The following SYNE2 variants were observed in gnomAD, a reference collection of about 807,000 sequenced individuals.
SYNE2 encodes the protein nesprin-2.
A neutral mutation model predicts 856.3 loss-of-function variants in SYNE2; 431 were observed. The observed-to-expected ratio is 0.50, with a 90% CI of 0.47 to 0.55. SYNE2 has a LOEUF of 0.55. Among genes scored for constraint, SYNE2 ranks in the 20% least tolerant of loss-of-function variants. SYNE2 has a pLI of 0.00. For synonymous variants in SYNE2, 2,923 were observed against 2,872.3 expected, an observed-to-expected ratio of 1.02 and a Z score of -0.56; for missense variants, 8,129 against 8,023.2, an observed-to-expected ratio of 1.01 and a Z score of -0.50.
intron 99 of SYNE2, among the ~76,000 whole-genome samples, chr14:64,198,573 C>T (rs543411905): frequency 5.3e-5 from 8 of 152,266 alleles, no homozygotes; most frequent in South Asian, 2.1e-4. Flanking sequence ...TGGGATATAC[C>T]GGCTAAATCC....
At position 64,027,529 on chromosome 14, in the gene SYNE2, T is replaced by G; in HGVS notation, c.6450T>G (p.Ser2150Arg). Residue 2150 changes from serine to arginine, a missense_variant, in exon 43 of 116, where the codon AGT becomes AGG. Physicochemically the swap from Ser to Arg is moderately radical, Grantham distance 110. This residue lies in a region of SYNE2 where 297 missense variants were observed against 380.9 expected (regional missense o/e 0.78). Coordinates refer to ENST00000555002, the MANE Select transcript of SYNE2 (RefSeq NM_182914.3). ...TAGAAGGAGAGAAATATTTACAAAGTAAGGAGGATCTGAGATTAATGCTCA... is the reference window on the plus strand; with the variant it reads ...TAGAAGGAGAGAAATATTTACAAAGGAAGGAGGATCTGAGATTAATGCTCA... ...LLLEGEKYLQ[S>R]KEDLRLMLIE... 6.2e-7 allele frequency: 1 copy of G among 1,608,792 alleles called. No individual in the cohort carries two copies. The highest frequency in any genetic ancestry group is 8.5e-7 in the Non-Finnish European group (1 of 1,177,784).
intron 2 of SYNE2, among the ~76,000 whole-genome samples, chr14:63,934,348 G>C (rs2095803095): frequency 6.6e-6 from 1 of 152,016 alleles, no homozygotes; most frequent in Non-Finnish European, 1.5e-5. Flanking sequence ...CCTTAGAAAA[G>C]TTTTGATTAT....
In SYNE2 at chr14:64,156,739, G is replaced by A. The variant is rs559093371; in HGVS notation, c.15793-1886G>A. ...CTCCCAAAGTGCTGGGATTACAGGC[G>A]TGAGCCACCACACCTGGCCGCCTTC... On this transcript the variant is annotated intron_variant, in intron 85 of 115. Coordinates refer to ENST00000555002, the MANE Select transcript of SYNE2 (RefSeq NM_182914.3). 2.0e-3 allele frequency among the ~76,000 whole-genome samples: 310 copies of A among 152,294 alleles called. 1 individual carries two copies. The highest frequency in any genetic ancestry group is 7.1e-3 in the African/African-American group (295 of 41,568).
chr14:63,834,234 A>C (rs1889770150), intron 1 of SYNE2, among the ~76,000 whole-genome samples: 1 of 152,156 alleles, frequency 6.6e-6, no homozygotes, highest in African/African-American at 2.4e-5. Flanking sequence ...GTGGGGGCAC[A>C]TACCTGTAAT....
chr14:63,961,325 C>CT (rs1278827253), intron 8 of SYNE2, among the ~76,000 whole-genome samples, 200 bp from the exon 9 acceptor site: 1 of 152,206 alleles, frequency 6.6e-6, no homozygotes, highest in Admixed American at 6.5e-5. Flanking sequence ...CCAGATCTCT[C>CT]TGAGTATAGA....
intron 1 of SYNE2, among the ~76,000 whole-genome samples, chr14:63,798,265 GT>G (rs1286523082): frequency 6.6e-6 from 1 of 151,916 alleles, no homozygotes; most frequent in African/African-American, 2.4e-5. Context: ...GCCCAGGATC[GT>G]CTCAAACTCC....
chr14:63,934,982 G>T (rs1006234417), intron 2 of SYNE2, among the ~76,000 whole-genome samples: 3 of 149,946 alleles, frequency 2.0e-5, no homozygotes, highest in African/African-American at 7.3e-5. Context: ...TTGTTCTCTG[G>T]TTTTTTTCTA....
chr14:64,201,812 A>G (rs543058946), intron 99 of SYNE2, among the ~76,000 whole-genome samples: 56 of 152,284 alleles, frequency 3.7e-4, no homozygotes, highest in South Asian at 6.2e-4. Flanking sequence ...GCATCTCCCA[A>G]CGTAAGTATT....
chr14:64,014,768 G>A (rs1050300340), intron 32 of SYNE2, among the ~76,000 whole-genome samples: 4 of 151,432 alleles, frequency 2.6e-5, no homozygotes, highest in Admixed American at 1.3e-4. Flanking sequence ...TTTTCAGAGC[G>A]GTTTTACCAT....
chr14:63,813,811 T>C (rs1888712840), intron 1 of SYNE2, among the ~76,000 whole-genome samples: 2 of 152,154 alleles, frequency 1.3e-5, no homozygotes, highest in African/African-American at 2.4e-5. Context: ...CCCAGTACTT[T>C]GGGAGGCCAA....
At position 64,094,099 on chromosome 14, in the gene SYNE2, G is replaced by A. The variant is rs527341387; in HGVS notation, c.12108+619G>A. ...TGTAATCCCAGCACTTTGGGAGGCC[G>A]AGGCGGGCAGATCACAAGGTCAGGA... On this transcript the variant is annotated intron_variant, in intron 61 of 115. Coordinates refer to ENST00000555002, the MANE Select transcript of SYNE2 (RefSeq NM_182914.3). 9.9e-4 allele frequency among the ~76,000 whole-genome samples: 151 copies of A among 152,110 alleles called. 1 individual carries two copies. The highest frequency in any genetic ancestry group is 3.4e-3 in the African/African-American group (140 of 41,486).
chr14:64,122,367 T>C lies in SYNE2; in HGVS notation c.13362T>C (p.Tyr4454=). 1 of 1,614,184 alleles carries C rather than the reference T, an allele frequency of 6.2e-7. No homozygotes were observed. The highest frequency in any genetic ancestry group is 8.5e-7 in the Non-Finnish European group (1 of 1,180,036). ...PQGQNGDKWQ[Y]LHHELSSKIK... is the part of the protein sequence containing the mutation. ...GCCAAAATGGAGATAAGTGGCAATA[T>C]CTGCATCATGAACTCTCATCAAAAA... Residue 4454 remains tyrosine, a synonymous_variant, in exon 70 of 116, where the codon TAT becomes TAC. Transcript: ENST00000555002.
chr14:64,161,749 A>G (rs1049737376), intron 87 of SYNE2, among the ~76,000 whole-genome samples: 1 of 152,030 alleles, frequency 6.6e-6, no homozygotes, highest in African/African-American at 2.4e-5. Context: ...ACAAAAAAAA[A>G]AAAAAAAAAG....
intron 108 of SYNE2, 42 bp downstream of exon 108, chr14:64,216,429 G>C: frequency 6.2e-7 from 1 of 1,601,144 alleles, no homozygotes; most frequent in East Asian, 2.2e-5. Context: ...ATGTCTGTGA[G>C]TCATACTTAC....
chr14:64,091,405 C>T (rs575487658), intron 60 of SYNE2, among the ~76,000 whole-genome samples: 5 of 152,292 alleles, frequency 3.3e-5, no homozygotes, highest in African/African-American at 1.2e-4. Context: ...CTCAGTGACT[C>T]TCCTATTGAT....
chr14:64,167,953 G>T (rs1051304661), intron 92 of SYNE2, among the ~76,000 whole-genome samples: 1 of 152,108 alleles, frequency 6.6e-6, no homozygotes, highest in Non-Finnish European at 1.5e-5. Flanking sequence ...AAAATACTTC[G>T]ACTCATGTTT....
intron 45 of SYNE2, among the ~76,000 whole-genome samples, chr14:64,041,334 A>C (rs2097146678): frequency 6.6e-6 from 1 of 152,196 alleles, no homozygotes; most frequent in Non-Finnish European, 1.5e-5. Context: ...ACAAATTTTG[A>C]CTAGATTAAA....
chr14:64,119,449 A>T lies in SYNE2; in HGVS notation c.12863A>T (p.His4288Leu). 1.2e-6 allele frequency: 2 copies of T among 1,614,260 alleles called. No homozygotes were observed. The highest frequency in any genetic ancestry group is 1.7e-6 in the Non-Finnish European group (2 of 1,180,034). The stretch of plus-strand genomic sequence containing the variant: ...TAGGCTATGCTAACAGAGATTGAGC[A>T]CAAGGTTGCCTTTCTGTTAGAGACT... The part of the protein sequence containing the change: ...GCQAMLTEIE[H>L]KVAFLLETCK... Residue 4288 changes from histidine (H) to leucine (L), a missense_variant, in exon 67 of 116, where the codon CAC (histidine) becomes CTC (leucine). His to Leu is a moderately conservative substitution (Grantham distance 99). Coordinates refer to ENST00000555002, the MANE Select transcript of SYNE2 (RefSeq NM_182914.3).
rs775294170 is a variant in SYNE2 at position 63,823,182 on chromosome 14, C to CT, written c.-304-29306dup. The stretch of plus-strand genomic sequence containing the variant: ...ACTTCTCAGCTGAAGTCTACCAAAT[C>CT]TTTTTTTTTTTTTGAGACGGAGTTT... On this transcript the variant is annotated intron_variant, in intron 1 of 23. Transcript: ENST00000674003. Among the ~76,000 whole-genome samples, 1,251 of 144,298 alleles carry CT rather than the reference C, an allele frequency of 8.7e-3. 7 individuals carry two copies. The highest frequency in any genetic ancestry group is 0.013 in the Non-Finnish European group (843 of 65,376). The allele number at this position is 144,298 out of a possible 152,430, so 94.7% of individuals were successfully genotyped here. A position where few individuals can be genotyped will look rare whatever the true frequency, so the allele number is the denominator to read the frequency against.
Sources: gnomAD v4.1 joint callset for allele counts (sites outside exome capture counted in the v4.1 genomes callset) on GRCh38, gnomAD v4.1.1 for gene constraint, gnomAD v4.1.1 regional missense constraint, MANE v1.5 for transcripts, NCBI Gene and HGNC (gene_info 2026-07-23, HGNC 2026-07-21) for gene names.